RAD51B: variants seen among roughly 807,000 people sequenced by gnomAD.
RAD51B encodes RAD51 paralog B.
Under a neutral mutation model 42.2 loss-of-function variants are expected in RAD51B, and 38 were observed. The observed-to-expected ratio is 0.90, with a 90% CI of 0.70 to 1.18. RAD51B has a LOEUF of 1.18. Ranked by LOEUF, RAD51B falls within the 50% of genes most tolerant of loss-of-function variation. RAD51B has a pLI of 0.00. For missense variants in RAD51B, 373 were observed against 400.7 expected (o/e 0.93, Z 0.59); for synonymous variants, 154 against 145.2 (o/e 1.06, Z -0.43).
chr14:68,372,521 C>T (rs188343348), intron 8 of RAD51B, among the ~76,000 whole-genome samples: 123 of 152,242 alleles, frequency 8.1e-4, no homozygotes, highest in Non-Finnish European at 1.5e-3. Flanking sequence ...AGTGTATGGG[C>T]TGGCCTTAGG....
chr14:68,238,345 A>G (rs577859663), intron 7 of RAD51B, among the ~76,000 whole-genome samples: 1 of 152,218 alleles, frequency 6.6e-6, no homozygotes, highest in East Asian at 1.9e-4. Context: ...CTGTCGCCCC[A>G]GCTGGAGTAC....
intron 7 of RAD51B, among the ~76,000 whole-genome samples, chr14:67,965,139 A>G (rs1275175735): frequency 6.6e-6 from 1 of 152,020 alleles, no homozygotes; most frequent in East Asian, 1.9e-4. Context: ...CCAATCCCAA[A>G]CTAATTTTTC....
intron 10 of RAD51B, among the ~76,000 whole-genome samples, chr14:68,518,561 C>A (rs76671114): frequency 0.026 from 3,977 of 150,684 alleles, 188 homozygotes; most frequent in East Asian, 0.096. Flanking sequence ...TGAGCCCCCC[C>A]CCCAGGCCTC....
chr14:68,563,914 G>T, intron 10 of RAD51B: 1 of 985,216 alleles, frequency 1.0e-6, no homozygotes, highest in Non-Finnish European at 1.2e-6. Flanking sequence ...GCCGATTCTC[G>T]GCAATTAAAA....
In RAD51B at chr14:68,283,836, A is replaced by G. The variant is rs1479579440; in HGVS notation, c.757-8048A>G. 3.3e-5 allele frequency among the ~76,000 whole-genome samples: 5 copies of G among 152,244 alleles called. No individual in the cohort carries two copies. The East Asian group carries it at 9.6e-4, about 29-fold the overall frequency. On this transcript the variant is annotated intron_variant, in intron 7 of 10. Transcript: ENST00000471583. The stretch of plus-strand genomic sequence containing the variant: ...CCCCTTGCATGTGCACCCCAAGAGA[A>G]GTAGGCCAAAGAGAAAGCTGCCTTA...
At chr14:68,266,015 G>A (rs181106589) in intron 7 of RAD51B, among the ~76,000 whole-genome samples, 21 of 152,300 alleles carry the variant, frequency 1.4e-4, no homozygotes, top group Non-Finnish European at 2.2e-4. Context: ...ATAGATGGAT[G>A]TTCCCATCAA....
intron 10 of RAD51B, among the ~76,000 whole-genome samples, chr14:68,582,863 T>A (rs943212506): frequency 6.6e-6 from 1 of 152,148 alleles, no homozygotes; most frequent in African/African-American, 2.4e-5. Flanking sequence ...GGGACATGGA[T>A]GAAGCTGGAA....
downstream of RAD51B, among the ~76,000 whole-genome samples, chr14:68,613,928 CAGA>C (rs1349145338): frequency 6.6e-6 from 1 of 152,188 alleles, no homozygotes. Flanking sequence ...TGTGGCCATT[CAGA>C]ACGCCCAATT....
chr14:68,312,762 T>C (rs1041491951), intron 8 of RAD51B, among the ~76,000 whole-genome samples: 1 of 152,190 alleles, frequency 6.6e-6, no homozygotes, highest in African/African-American at 2.4e-5. Flanking sequence ...ATTTGAGGAA[T>C]TAGTGGAAGA....
chr14:68,174,087 A>G (rs778870562), intron 7 of RAD51B, among the ~76,000 whole-genome samples: 1 of 152,106 alleles, frequency 6.6e-6, no homozygotes. Context: ...TTATCTTCTT[A>G]ATGACTCTTA....
At chr14:68,209,883 C>T (rs1237834431) in intron 7 of RAD51B, among the ~76,000 whole-genome samples, 1 of 152,098 alleles carries the variant, frequency 6.6e-6, no homozygotes, top group Non-Finnish European at 1.5e-5. Flanking sequence ...CCTCCATGAG[C>T]ACACGATCTT....
intron 7 of RAD51B, among the ~76,000 whole-genome samples, chr14:68,068,740 A>C (rs1301533395): frequency 6.6e-6 from 1 of 152,192 alleles, no homozygotes; most frequent in Non-Finnish European, 1.5e-5. Context: ...CCAGCAATGC[A>C]TGAAGATTCC....
At chr14:67,857,195 G>A (rs1269575697) in intron 4 of RAD51B, among the ~76,000 whole-genome samples, 3 of 151,988 alleles carry the variant, frequency 2.0e-5, no homozygotes, top group African/African-American at 4.8e-5. Context: ...CCATAAAATC[G>A]CATATGGTAT....
chr14:68,551,079 A>C (rs1423727669), intron 10 of RAD51B, among the ~76,000 whole-genome samples: 1 of 152,126 alleles, frequency 6.6e-6, no homozygotes, highest in Non-Finnish European at 1.5e-5. Context: ...TGCTTACCCC[A>C]GCACTCCCAA....
intron 7 of RAD51B, among the ~76,000 whole-genome samples, chr14:68,065,602 A>C (rs995260382): frequency 6.6e-6 from 1 of 152,106 alleles, no homozygotes; most frequent in Non-Finnish European, 1.5e-5. Context: ...CCAGGAAAGC[A>C]GGGAGCTAGC....
intron 11 of RAD51B, among the ~76,000 whole-genome samples, chr14:68,673,286 C>T (rs1312926624): frequency 6.6e-6 from 1 of 152,120 alleles, no homozygotes; most frequent in Admixed American, 6.5e-5. Context: ...ACACATAAGA[C>T]ATGCATGTAC....
intron 7 of RAD51B, among the ~76,000 whole-genome samples, chr14:68,269,140 TC>T (rs2081051919): frequency 6.6e-6 from 1 of 152,198 alleles, no homozygotes; most frequent in Non-Finnish European, 1.5e-5. Flanking sequence ...AATTGAGCAC[TC>T]ATGAATATTT....
At chr14:68,526,917 A>G (rs1886969780) in intron 10 of RAD51B, among the ~76,000 whole-genome samples, 2 of 152,232 alleles carry the variant, frequency 1.3e-5, no homozygotes, top group Non-Finnish European at 2.9e-5. Context: ...CACTCACAAC[A>G]GGCTTCCCCT....
intron 7 of RAD51B, among the ~76,000 whole-genome samples, chr14:68,229,201 T>C (rs2080099186): frequency 6.6e-6 from 1 of 152,226 alleles, no homozygotes; most frequent in South Asian, 2.1e-4. Context: ...GTGATTGTTC[T>C]ATCTTGCATT....
Sources: gnomAD v4.1 joint callset for allele counts (sites outside exome capture counted in the v4.1 genomes callset) on GRCh38, gnomAD v4.1.1 for gene constraint, MANE v1.5 for transcripts, NCBI Gene and HGNC (gene_info 2026-07-23, HGNC 2026-07-21) for gene names.